Variants in MDGA2 observed in about 807,000 individuals in gnomAD.
MDGA2 encodes MAM domain containing glycosylphosphatidylinositol anchor 2.
Under a neutral mutation model 117.8 loss-of-function variants are expected in MDGA2, and 40 were observed. That is an observed-to-expected ratio of 0.34 (90% confidence interval 0.26 to 0.44). The LOEUF is 0.44. MDGA2 is among the 20% of genes least tolerant of loss of function. The pLI is 1.00. For synonymous variants in MDGA2, 452 were observed against 439.0 expected (o/e 1.03, Z -0.37); for missense variants, 1,123 against 1,250.6 (o/e 0.90, Z 1.54).
intron 1 of MDGA2, among the ~76,000 whole-genome samples, chr14:47,522,632 C>T (rs1894894134): frequency 6.6e-6 from 1 of 152,018 alleles, no homozygotes; most frequent in African/African-American, 2.4e-5. Context: ...ATAGAATCAG[C>T]AATAATAGCA....
intron 1 of MDGA2, among the ~76,000 whole-genome samples, chr14:47,319,417 A>G: frequency 6.6e-6 from 1 of 152,170 alleles, no homozygotes; most frequent in East Asian, 1.9e-4. Context: ...ACCTTTATTC[A>G]TCTTAAAGTA....
At chr14:46,869,436 C>A (rs1346793133) in intron 14 of MDGA2, among the ~76,000 whole-genome samples, 2 of 148,260 alleles carry the variant, frequency 1.3e-5, no homozygotes, top group African/African-American at 5.0e-5. Flanking sequence ...CACAGGAATG[C>A]TGAAAGAATC....
At chr14:47,362,479 T>C (rs1276453523) in intron 1 of MDGA2, among the ~76,000 whole-genome samples, 3 of 152,176 alleles carry the variant, frequency 2.0e-5, no homozygotes, top group South Asian at 2.1e-4. Context: ...TTTGAGGTAT[T>C]GATATTTTTA....
rs977965901 is a variant in MDGA2, at chr14:46,856,795, A to G, written c.2753-1641T>C. 5.3e-5 allele frequency among the ~76,000 whole-genome samples: 8 copies of G among 152,150 alleles called. 1 individual carries two copies. The South Asian group carries it at 1.5e-3, about 28-fold the overall frequency. ...AACTGATTTTTTTCAGGATTTATAAAAAAATAAAAATTTAAGATTTCAATT... is the reference window on the plus strand; with the variant it reads ...AACTGATTTTTTTCAGGATTTATAAGAAAATAAAAATTTAAGATTTCAATT... On this transcript the variant is annotated intron_variant, in intron 14 of 16. Transcript: ENST00000399232.
At chr14:46,949,655 G>T (rs1211537155) in intron 9 of MDGA2, among the ~76,000 whole-genome samples, 2 of 151,912 alleles carry the variant, frequency 1.3e-5, no homozygotes, top group African/African-American at 4.8e-5. Context: ...ATGGCTTCCA[G>T]CTCCATCCAT....
At chr14:47,352,576 T>C (rs1890908009) in intron 1 of MDGA2, among the ~76,000 whole-genome samples, 1 of 152,222 alleles carries the variant, frequency 6.6e-6, no homozygotes, top group Admixed American at 6.5e-5. Context: ...TTACATTTAG[T>C]ATGACTTGCT....
At chr14:47,553,494 T>C (rs1421918689) in intron 1 of MDGA2, among the ~76,000 whole-genome samples, 1 of 152,156 alleles carries the variant, frequency 6.6e-6, no homozygotes, top group Non-Finnish European at 1.5e-5. Flanking sequence ...ATTTAATGTT[T>C]AAATAGCTAA....
intron 7 of MDGA2, among the ~76,000 whole-genome samples, chr14:47,039,740 CCTA>C (rs1888993176): frequency 6.6e-6 from 1 of 152,008 alleles, no homozygotes; most frequent in Non-Finnish European, 1.5e-5. Context: ...ATGTAATAGA[CCTA>C]TATTTATTGA....
intron 1 of MDGA2, among the ~76,000 whole-genome samples, chr14:47,594,088 C>T (rs763426568): frequency 9.9e-5 from 15 of 152,050 alleles, no homozygotes; most frequent in Non-Finnish European, 1.5e-4. Context: ...AATCAATCAG[C>T]GCACTTTTCT....
chr14:47,559,981 T>G (rs900559272), intron 1 of MDGA2, among the ~76,000 whole-genome samples: 9 of 152,212 alleles, frequency 5.9e-5, no homozygotes, highest in Admixed American at 3.9e-4. Flanking sequence ...CAACATTGTT[T>G]TCCACAATGG....
intron 7 of MDGA2, among the ~76,000 whole-genome samples, chr14:47,056,614 T>G (rs1296536043): frequency 6.6e-6 from 1 of 152,186 alleles, no homozygotes. Flanking sequence ...CGAGGCATGA[T>G]GCAGATGCTT....
chr14:47,651,931 T>C (rs1897653557), intron 1 of MDGA2, among the ~76,000 whole-genome samples: 1 of 152,044 alleles, frequency 6.6e-6, no homozygotes, highest in Non-Finnish European at 1.5e-5. Context: ...TTTTGACAAA[T>C]TAATGTTGAT....
At chr14:47,053,637 A>G (rs1209888608) in intron 7 of MDGA2, among the ~76,000 whole-genome samples, 2 of 85,108 alleles carry the variant, frequency 2.3e-5, no homozygotes, top group Non-Finnish European at 4.8e-5. Context: ...ATATATATAT[A>G]TATATATATA....
In MDGA2 at chr14:46,957,449, T is replaced by G. The variant is rs754951545; in HGVS notation, c.2014A>C (p.Asn672His). Residue 672 changes from asparagine to histidine, a missense_variant, in exon 9 of 17, where the codon AAT becomes CAT. Transcript: ENST00000399232. ...YTEYAVKSLS[N>H]ENYGVYNCSI... The stretch of plus-strand genomic sequence containing the variant: ...CAGTTATAAACCCCATAGTTTTCAT[T>G]GGAAAGACTCTTCACAGCGTACTCT... 1 of 1,614,172 alleles carries G rather than the reference T, an allele frequency of 6.2e-7. No individual in the cohort carries two copies. The highest frequency in any genetic ancestry group is 1.1e-5 in the South Asian group (1 of 91,086).
chr14:47,042,478 A>G (rs923743622), intron 7 of MDGA2, among the ~76,000 whole-genome samples: 1 of 152,056 alleles, frequency 6.6e-6, no homozygotes, highest in Non-Finnish European at 1.5e-5. Flanking sequence ...TTCAGAGCAC[A>G]GTTTTAAAGG....
At chr14:47,024,934 G>C (rs891255215) in intron 8 of MDGA2, among the ~76,000 whole-genome samples, 1 of 151,910 alleles carries the variant, frequency 6.6e-6, no homozygotes, top group Non-Finnish European at 1.5e-5. Context: ...TGATTTCATG[G>C]AACAGCATGA....
chr14:47,180,285 A>G (rs1012823830), intron 3 of MDGA2, among the ~76,000 whole-genome samples: 1 of 152,144 alleles, frequency 6.6e-6, no homozygotes, highest in South Asian at 2.1e-4. Context: ...GGAGATAGGC[A>G]CAGGCAAAGA....
At chr14:47,194,768 T>C (rs6572411) in intron 3 of MDGA2, among the ~76,000 whole-genome samples, 10,177 of 151,558 alleles carry the variant, frequency 0.067, 381 homozygotes, top group Non-Finnish European at 0.065. Flanking sequence ...CACTCTCTCT[T>C]TCTCTCTCAC....
At chr14:47,453,393 A>C (rs1416117725) in intron 1 of MDGA2, among the ~76,000 whole-genome samples, 1 of 152,198 alleles carries the variant, frequency 6.6e-6, no homozygotes, top group African/African-American at 2.4e-5. Flanking sequence ...CTCTAATTGC[A>C]GACTTGTGAA....
Sources: gnomAD v4.1 joint callset for allele counts (sites outside exome capture counted in the v4.1 genomes callset) on GRCh38, gnomAD v4.1.1 for gene constraint, MANE v1.5 for transcripts, NCBI Gene and HGNC (gene_info 2026-07-23, HGNC 2026-07-21) for gene names.